Variants in OTOA observed in about 807,000 individuals in gnomAD.
OTOA encodes otoancorin.
A neutral mutation model predicts 110.8 loss-of-function variants in OTOA; 70 were observed. The observed-to-expected ratio is 0.63, with a 90% CI of 0.52 to 0.77. The LOEUF (loss-of-function observed/expected upper bound fraction) is 0.77. Among genes scored for constraint, OTOA ranks in the 30% least tolerant of loss-of-function variants. The pLI, the probability that OTOA is intolerant of heterozygous loss-of-function variation, is 0.00. For missense variants in OTOA, 917 were observed against 1,075.8 expected (o/e 0.85, Z 2.06); for synonymous variants, 373 against 431.5 (o/e 0.86, Z 1.68).
chr16:21,714,627 T>C (rs1312446854), intron 13 of OTOA, among the ~76,000 whole-genome samples: 1 of 152,020 alleles, frequency 6.6e-6, no homozygotes, highest in Non-Finnish European at 1.5e-5. Context: ...TTCTCCTGCC[T>C]CAGCCTCCCA....
intron 1 of OTOA, among the ~76,000 whole-genome samples, chr16:21,668,766 C>T (rs1024021430): frequency 2.0e-5 from 3 of 151,910 alleles, no homozygotes; most frequent in Non-Finnish European, 4.4e-5. Flanking sequence ...CCAGACATGA[C>T]GTGTTTGAAT....
chr16:21,704,962 C>T, intron 11 of OTOA: 2 of 824,460 alleles, frequency 2.4e-6, no homozygotes, highest in Non-Finnish European at 4.3e-6. Flanking sequence ...CATAATTCAG[C>T]CCCCATTCCT....
rs190706932 is a variant in OTOA at position 21,698,097 on chromosome 16, G to T, written c.840+222G>T. On this transcript the variant is annotated intron_variant, in intron 10 of 28. Coordinates refer to ENST00000646100, the MANE Select transcript of OTOA (RefSeq NM_144672.4). Reference sequence around the variant, plus strand: ...TGTGGAAGGGCTAAGAAAAGAAAAAGAATTGTGGACAACTAAGATCACATC... The same window carrying T: ...TGTGGAAGGGCTAAGAAAAGAAAAATAATTGTGGACAACTAAGATCACATC... Among the ~76,000 whole-genome samples the T allele has an allele frequency of 3.6e-3, 550 of 152,228 alleles. 4 individuals are homozygous for T. Among genetic ancestry groups the T allele is most frequent in the Non-Finnish European group, 3.2e-3 (217 of 68,008 alleles).
chr16:21,714,391 CTTTCTTTCTCTT>C (rs1567384497), intron 13 of OTOA, among the ~76,000 whole-genome samples: 1 of 78,726 alleles, frequency 1.3e-5, no homozygotes, highest in Non-Finnish European at 2.9e-5. Context: ...CTCTTTCTCT[CTTTCTTTCTCTT>C]TCTTTCTCTT....
chr16:21,723,041 C>G lies in OTOA; in HGVS notation c.1880+63C>G, dbSNP rs2061481826. 3 of 1,522,404 alleles carry G rather than the reference C, an allele frequency of 2.0e-6. No individual in the cohort carries two copies. The African/African-American group carries it at 4.1e-5, about 21-fold the overall frequency. 94.3% of individuals were successfully genotyped at this position (1,522,404 alleles called of 1,614,324 possible). A position where few individuals can be genotyped will look rare whatever the true frequency, so the allele number is the denominator to read the frequency against. On this transcript the variant is annotated intron_variant, in intron 18 of 28. Coordinates refer to ENST00000646100, the MANE Select transcript of OTOA (RefSeq NM_144672.4). The stretch of plus-strand genomic sequence containing the variant: ...TGAGATCGGTGGGAATCACTGAAGT[C>G]AAAATGATTCTCTCCCCACTGGGTT...
intron 21 of OTOA, among the ~76,000 whole-genome samples, chr16:21,731,192 C>G (rs1899104395): frequency 6.6e-6 from 1 of 152,236 alleles, no homozygotes; most frequent in African/African-American, 2.4e-5. Context: ...AGCTACCACT[C>G]TGCTATTAGT....
intron 12 of OTOA, among the ~76,000 whole-genome samples, chr16:21,706,730 CAAT>C (rs1490425056): frequency 6.6e-6 from 1 of 150,880 alleles, no homozygotes; most frequent in Non-Finnish European, 1.5e-5. Context: ...ATAAAGCCAT[CAAT>C]AATTTCACAG....
chr16:21,734,507 C>A (rs569909038), intron 21 of OTOA, among the ~76,000 whole-genome samples: 2 of 151,412 alleles, frequency 1.3e-5, no homozygotes, highest in South Asian at 2.1e-4. Flanking sequence ...CTGCCATGTA[C>A]CCCTGAACTT....
chr16:21,717,023 G>A lies in OTOA; in HGVS notation c.1605G>A (p.Lys535=). 1.9e-6 allele frequency: 3 copies of A among 1,614,082 alleles called. No individual in the cohort carries two copies. Among genetic ancestry groups the A allele is most frequent in the Non-Finnish European group, 1.7e-6 (2 of 1,180,006 alleles). Residue 535 remains lysine (K), a synonymous_variant, in exon 15 of 29, where the codon AAG becomes AAA. Coordinates refer to ENST00000646100, the MANE Select transcript of OTOA (RefSeq NM_144672.4). ...RQPGFNSTVL[K]DKELGRSQAL... is the part of the protein sequence containing the mutation. Reference sequence around the variant, plus strand: ...CTGGATTCAACTCTACAGTCCTGAAGGATAAGGAACTTGGAAGGAGCCAGG... The same window carrying A: ...CTGGATTCAACTCTACAGTCCTGAAAGATAAGGAACTTGGAAGGAGCCAGG...
intron 15 of OTOA, among the ~76,000 whole-genome samples, 187 bp downstream of exon 15, chr16:21,717,234 C>T (rs887375660): frequency 5.3e-5 from 8 of 151,978 alleles, no homozygotes; most frequent in Non-Finnish European, 2.9e-5. Context: ...GCCAGGAGTT[C>T]GAGACCAGCC....
In OTOA at chr16:21,674,077, G is replaced by A. The variant is rs1451569370; in HGVS notation, c.-4-4434G>A. ...CTCCCAAAGTGCTGGGATTATAGGCGTGAGCCACCATGCCCAGCCTGTGTA... is the reference window on the plus strand; with the variant it reads ...CTCCCAAAGTGCTGGGATTATAGGCATGAGCCACCATGCCCAGCCTGTGTA... On this transcript the variant is annotated intron_variant, in intron 1 of 28. Transcript: ENST00000646100. Among the ~76,000 whole-genome samples, 10 of 152,144 alleles carry A rather than the reference G, an allele frequency of 6.6e-5. 1 individual carries two copies. The highest frequency in any genetic ancestry group is 3.8e-4 in the East Asian group (2 of 5,202).
intron 12 of OTOA, 90 bp from the exon 13 acceptor site, chr16:21,709,798 G>A: frequency 8.9e-7 from 1 of 1,121,032 alleles, no homozygotes. Flanking sequence ...CAAGGGAGGT[G>A]CTGTGGAGTC....
chr16:21,710,411 A>G (rs1452609770), intron 13 of OTOA, among the ~76,000 whole-genome samples: 1 of 152,068 alleles, frequency 6.6e-6, no homozygotes, highest in African/African-American at 2.4e-5. Context: ...GCCCCACCTG[A>G]CCCTCATTAT....
chr16:21,674,419 C>A (rs923347616), intron 1 of OTOA, among the ~76,000 whole-genome samples: 5 of 151,448 alleles, frequency 3.3e-5, no homozygotes, highest in African/African-American at 1.2e-4. Flanking sequence ...CTGCAACCTC[C>A]GCCTCCTCGG....
intron 1 of OTOA, among the ~76,000 whole-genome samples, chr16:21,673,053 C>A (rs908643917): frequency 3.3e-5 from 5 of 152,032 alleles, no homozygotes; most frequent in African/African-American, 1.2e-4. Flanking sequence ...GAGGCTGAGA[C>A]CAGAGGATCA....
intron 6 of OTOA, chr16:21,684,361 A>G: frequency 7.1e-7 from 1 of 1,400,612 alleles, no homozygotes; most frequent in Non-Finnish European, 9.4e-7. Context: ...AGCAGAGGAA[A>G]TCTCTTTCAG....
intron 10 of OTOA, among the ~76,000 whole-genome samples, chr16:21,699,984 C>G (rs1031775644): frequency 1.2e-4 from 18 of 151,570 alleles, no homozygotes; most frequent in Non-Finnish European, 2.5e-4. Flanking sequence ...TCAGTGTCCC[C>G]CCAAAATTAT....
rs1267261272 is a variant in OTOA at position 21,758,665 on chromosome 16, A to G, written c.3349+1388A>G. 2.7e-5 allele frequency among the ~76,000 whole-genome samples: 4 copies of G among 150,080 alleles called. No individual in the cohort carries two copies. The East Asian group carries it at 7.9e-4, about 30-fold the overall frequency. On this transcript the variant is annotated intron_variant, in intron 28 of 28. Transcript: ENST00000646100. ...GTGGCCAGAGGTGGCACTTGAAAAC[A>G]TAAATCATGCCTTTTGATGTATTAT... is the stretch of plus-strand genomic sequence containing the variant.
At chr16:21,696,692 C>T (rs1897947333) in intron 9 of OTOA, among the ~76,000 whole-genome samples, 1 of 152,008 alleles carries the variant, frequency 6.6e-6, no homozygotes, top group African/African-American at 2.4e-5. Context: ...GCCTCAGCCT[C>T]CCAAGTAGCT....
Sources: gnomAD v4.1 joint callset for allele counts (sites outside exome capture counted in the v4.1 genomes callset) on GRCh38, gnomAD v4.1.1 for gene constraint, MANE v1.5 for transcripts, NCBI Gene and HGNC (gene_info 2026-07-23, HGNC 2026-07-21) for gene names.